Variants in SIM1 observed in about 807,000 individuals in gnomAD.
The protein encoded by SIM1 is single-minded homolog 1.
Under a neutral mutation model 78.2 loss-of-function variants are expected in SIM1, and 18 were observed. The observed-to-expected ratio is 0.23, with a 90% CI of 0.16 to 0.34. The LOEUF is 0.34. Ranked by LOEUF, SIM1 falls within the 10% of genes least tolerant of loss-of-function variation. The pLI is 1.00. For missense variants in SIM1, 939 were observed against 975.1 expected (o/e 0.96, Z 0.49); for synonymous variants, 417 against 385.2 (o/e 1.08, Z -0.97).
rs1431887720 is a variant in SIM1 at position 100,412,630 on chromosome 6, A to G, written c.1167+8160T>C. On this transcript the variant is annotated intron_variant, in intron 10 of 11. Coordinates refer to ENST00000369208, the MANE Select transcript of SIM1 (RefSeq NM_005068.3). ...AAGAAAGGAAAGAAAGAAGGAAAGA[A>G]AGAAAGAAAAGAAAGAAAGAAAGAA... Among the ~76,000 whole-genome samples, 174 of 112,352 alleles carry G rather than the reference A, an allele frequency of 1.5e-3. 8 individuals are homozygous for G. The highest frequency in any genetic ancestry group is 5.5e-3 in the African/African-American group (165 of 29,956). 73.7% of individuals were successfully genotyped at this position (112,352 alleles called of 152,430 possible).
intron 3 of SIM1, among the ~76,000 whole-genome samples, chr6:100,450,717 C>T (rs1282558137): frequency 6.6e-6 from 1 of 151,674 alleles, no homozygotes; most frequent in Non-Finnish European, 1.5e-5. Context: ...CACACACACA[C>T]ACACACACAC....
In SIM1 at chr6:100,390,811, T is replaced by A; in HGVS notation, c.1851A>T (p.Glu617Asp). The A allele has an allele frequency of 6.2e-7, 1 of 1,614,212 alleles. No homozygotes were observed. Among genetic ancestry groups the A allele is most frequent in the Non-Finnish European group, 8.5e-7 (1 of 1,180,032 alleles). The part of the protein sequence containing the change: ...ANYQQPPPTG[E>D]VCHGSALANT... ...TGGCAAGAGCAGAGCCATGGCAGAC[T>A]TCACCTGTTGGTGGGGGCTGTTGGT... The change falls in exon 12 of 12, where the codon GAA (glutamate) becomes GAT (aspartate). Residue 617 changes from glutamate (E) to aspartate (D), a missense_variant. Glu to Asp is a conservative substitution (Grantham distance 45, BLOSUM62 2). This residue lies in a region of SIM1 where 556 missense variants were observed against 521.9 expected (regional missense o/e 1.07). Coordinates refer to ENST00000369208, the MANE Select transcript of SIM1 (RefSeq NM_005068.3).
rs115997144 is a variant in SIM1 at position 100,464,261 on chromosome 6, C to T, written c.-467-326G>A. ...AGGCCGGGCGCACGTCCCAGGAAAGCAGGTTTCCGCAAATCAGAATTCCTC... is the reference window on the plus strand; with the variant it reads ...AGGCCGGGCGCACGTCCCAGGAAAGTAGGTTTCCGCAAATCAGAATTCCTC... On this transcript the variant is annotated intron_variant, in intron 1 of 11. Coordinates refer to ENST00000369208, the MANE Select transcript of SIM1 (RefSeq NM_005068.3). Among the ~76,000 whole-genome samples the T allele has an allele frequency of 6.3e-3, 953 of 152,354 alleles. 12 individuals are homozygous for T. The highest frequency in any genetic ancestry group is 0.022 in the African/African-American group (908 of 41,596).
Position 100,389,797 on chromosome 6 carries a change from T to C in SIM1, c.*564A>G, listed in dbSNP as rs1770590497. ...CAGAACCATTTCTCTAATTTATGCC[T>C]GAACCAAATGAGCTGGCTGATTTGA... is the stretch of plus-strand genomic sequence containing the variant. On this transcript the variant is annotated 3_prime_UTR_variant, in exon 12 of 12. Coordinates refer to ENST00000369208, the MANE Select transcript of SIM1 (RefSeq NM_005068.3). The C allele has an allele frequency of 2.5e-6, 1 of 399,096 alleles. No homozygotes were observed. Among genetic ancestry groups the C allele is most frequent in the Non-Finnish European group, 4.4e-6 (1 of 226,214 alleles). 24.7% of individuals were successfully genotyped at this position (399,096 alleles called of 1,614,324 possible). A position where few individuals can be genotyped will look rare whatever the true frequency, so the allele number is the denominator to read the frequency against.
At chr6:100,447,244 A>T (rs1562254283) in intron 9 of SIM1, 24 bp downstream of exon 9, 1 of 1,607,962 alleles carries the variant, frequency 6.2e-7, no homozygotes, top group East Asian at 2.2e-5. Flanking sequence ...GGGGTGGGTG[A>T]AGGGGTCTCA....
At chr6:100,409,970 G>A (rs979281951) in intron 10 of SIM1, among the ~76,000 whole-genome samples, 9 of 152,016 alleles carry the variant, frequency 5.9e-5, no homozygotes, top group South Asian at 2.1e-4. Context: ...AAAATGTTCC[G>A]CATGAGCTTG....
At chr6:100,396,978 T>G (rs1770783818) in intron 10 of SIM1, among the ~76,000 whole-genome samples, 1 of 152,212 alleles carries the variant, frequency 6.6e-6, no homozygotes, top group Non-Finnish European at 1.5e-5. Context: ...AATAACTATT[T>G]GGTATCCTTT....
intron 2 of SIM1, among the ~76,000 whole-genome samples, chr6:100,458,483 T>A (rs2114555523): frequency 6.6e-6 from 1 of 152,312 alleles, no homozygotes; most frequent in South Asian, 2.1e-4. Context: ...TTTAGACGAC[T>A]GCTTGCCCTT....
intron 10 of SIM1, among the ~76,000 whole-genome samples, chr6:100,406,702 T>C (rs1342613102): frequency 6.6e-6 from 1 of 152,184 alleles, no homozygotes; most frequent in Non-Finnish European, 1.5e-5. Flanking sequence ...TGCAGTATAA[T>C]TGACTACTAA....
intron 2 of SIM1, among the ~76,000 whole-genome samples, chr6:100,461,320 C>A (rs1430745213): frequency 1.3e-5 from 2 of 152,200 alleles, no homozygotes; most frequent in Admixed American, 6.5e-5. Context: ...AACAAAACAA[C>A]AGCAGAAAAC....
rs77105307 is a variant in SIM1, at chr6:100,417,451, T to C, written c.1167+3339A>G. On this transcript the variant is annotated intron_variant, in intron 10 of 11. Coordinates refer to ENST00000369208, the MANE Select transcript of SIM1 (RefSeq NM_005068.3). ...GATGGCCAGAGAAGTATCTTTTTAA[T>C]GCAGGTATTCAGCTAGCATCTGTTA... Among the ~76,000 whole-genome samples the C allele has an allele frequency of 2.3e-3, 357 of 152,350 alleles. 1 individual carries two copies. Among genetic ancestry groups the C allele is most frequent in the Middle Eastern group, 0.014 (4 of 294 alleles).
At chr6:100,426,337 T>C (rs1415490799) in intron 9 of SIM1, among the ~76,000 whole-genome samples, 1 of 152,192 alleles carries the variant, frequency 6.6e-6, no homozygotes, top group Non-Finnish European at 1.5e-5. Flanking sequence ...ACTTTAAACT[T>C]TATAATAGTC....
At chr6:100,424,123 T>A (rs1771664098) in intron 9 of SIM1, among the ~76,000 whole-genome samples, 1 of 128,954 alleles carries the variant, frequency 7.8e-6, no homozygotes, top group Admixed American at 9.9e-5. Context: ...TACCAAAATT[T>A]TTACATGGCT....
chr6:100,429,586 A>T (rs1416321451), intron 9 of SIM1, among the ~76,000 whole-genome samples: 1 of 152,200 alleles, frequency 6.6e-6, no homozygotes, highest in Non-Finnish European at 1.5e-5. Flanking sequence ...TTTGACATGT[A>T]CTGTATATGC....
rs1770590722 is a variant in SIM1 at position 100,389,801 on chromosome 6, C to T, written c.*560G>A. The T allele has an allele frequency of 5.0e-6, 2 of 398,956 alleles. No homozygotes were observed. The highest frequency in any genetic ancestry group is 8.8e-6 in the Non-Finnish European group (2 of 226,186). 24.7% of individuals were successfully genotyped at this position (398,956 alleles called of 1,614,324 possible). ...ACCATTTCTCTAATTTATGCCTGAA[C>T]CAAATGAGCTGGCTGATTTGAAACC... On this transcript the variant is annotated 3_prime_UTR_variant, in exon 12 of 12. Coordinates refer to ENST00000369208, the MANE Select transcript of SIM1 (RefSeq NM_005068.3).
intron 10 of SIM1, among the ~76,000 whole-genome samples, chr6:100,411,925 G>A (rs1219618858): frequency 6.6e-6 from 1 of 152,126 alleles, no homozygotes; most frequent in Non-Finnish European, 1.5e-5. Context: ...AAAAAGACAA[G>A]GCATTCACCG....
rs1223639257 is a variant in SIM1 at position 100,393,871 on chromosome 6, C to T, written c.1186G>A (p.Glu396Lys). ...PYPQYSGFHT[E>K]RSESDHDSQW... is the part of the protein sequence containing the mutation. ...CTGTCATGATCAGATTCCGATCTTT[C>T]TGTGTGAAATCCCGAATACTGAAAC... Residue 396 changes from glutamate to lysine, a missense_variant, in exon 11 of 12, where the codon GAA (glutamate) becomes AAA (lysine). Glu to Lys is a moderately conservative substitution (Grantham distance 56, BLOSUM62 1). Coordinates refer to ENST00000369208, the MANE Select transcript of SIM1 (RefSeq NM_005068.3). 1.3e-6 allele frequency: 2 copies of T among 1,564,832 alleles called. No individual in the cohort carries two copies. Among genetic ancestry groups the T allele is most frequent in the African/African-American group, 1.4e-5 (1 of 73,640 alleles).
intron 10 of SIM1, among the ~76,000 whole-genome samples, chr6:100,411,162 A>T (rs1452177251): frequency 6.6e-6 from 1 of 152,220 alleles, no homozygotes; most frequent in Non-Finnish European, 1.5e-5. Context: ...ATAAACAAAC[A>T]TGGGTAACTG....
At chr6:100,440,182 A>C (rs241811) in intron 9 of SIM1, among the ~76,000 whole-genome samples, 136,639 of 152,228 alleles carry the variant, frequency 0.9, 61,534 homozygotes, top group East Asian at 0.98. Context: ...TCTATATTAT[A>C]TCATTTAATC....
Sources: allele counts gnomAD v4.1 joint callset (sites outside exome capture counted in the v4.1 genomes callset), GRCh38; gene constraint gnomAD v4.1.1; regional missense constraint gnomAD v4.1.1; transcripts MANE v1.5; gene names NCBI Gene and HGNC (gene_info 2026-07-23, HGNC 2026-07-21).